FAM107B: variants seen among roughly 807,000 people sequenced by gnomAD.
The protein encoded by FAM107B is family with sequence similarity 107 member B, also known as protein FAM107B.
A neutral mutation model predicts 31.5 loss-of-function variants in FAM107B; 21 were observed. That is an observed-to-expected ratio of 0.67 (90% CI 0.47 to 0.96). The LOEUF (loss-of-function observed/expected upper bound fraction) is 0.96, where lower values mean the gene tolerates loss of function less well. Among genes scored for constraint, FAM107B ranks in the 40% least tolerant of loss-of-function variants. The pLI is 0.00. For missense variants in FAM107B, 452 were observed against 377.1 expected (o/e 1.20, Z -1.64); for synonymous variants, 157 against 141.5 (o/e 1.11, Z -0.78).
chr10:14,694,257 T>TGGTA (rs1335063926), intron 1 of FAM107B, among the ~76,000 whole-genome samples: 27 of 152,342 alleles, frequency 1.8e-4, no homozygotes, highest in African/African-American at 6.3e-4. Context: ...CTAGGGCATA[T>TGGTA]GGTAGTTCTA....
chr10:14,587,999 A>T (rs76215271), intron 2 of FAM107B, among the ~76,000 whole-genome samples: 2,901 of 152,324 alleles, frequency 0.019, 94 homozygotes, highest in African/African-American at 0.065. Context: ...ATGTATATTT[A>T]AAAAAGACTA....
chr10:14,554,644 T>C (rs890103095), intron 2 of FAM107B, among the ~76,000 whole-genome samples: 2 of 152,174 alleles, frequency 1.3e-5, no homozygotes, highest in Non-Finnish European at 2.9e-5. Context: ...CAATGGAGTG[T>C]AGCGTTGCAT....
chr10:14,710,825 GTGT>G (rs1309573724), intron 1 of FAM107B, among the ~76,000 whole-genome samples: 1 of 152,184 alleles, frequency 6.6e-6, no homozygotes, highest in Admixed American at 6.5e-5. Context: ...TTTAAGCTAA[GTGT>G]TGTTATAAAA....
chr10:14,571,918 C>G (rs780841357), intron 2 of FAM107B: 3 of 985,442 alleles, frequency 3.0e-6, no homozygotes, highest in Non-Finnish European at 3.6e-6. Flanking sequence ...ACTGACCTAA[C>G]CTCACCTCAG....
At position 14,643,470 on chromosome 10, in the gene FAM107B, T is replaced by C. The variant is rs545498902; in HGVS notation, c.469+24164A>G. Among the ~76,000 whole-genome samples the C allele has an allele frequency of 2.0e-5, 3 of 151,106 alleles. No individual in the cohort carries two copies. In the South Asian group the frequency reaches 6.3e-4, roughly 32 times the overall value. ...TGTCACCCAGGCTGGAGTGCAGTAA[T>C]GTGATCTCGGTTCACTGCAGTCTCC... On this transcript the variant is annotated intron_variant, in intron 2 of 4. Coordinates refer to ENST00000181796, the MANE Select transcript of FAM107B (RefSeq NM_031453.4).
chr10:14,603,121 T>A (rs71485522), intron 2 of FAM107B, among the ~76,000 whole-genome samples: 1 of 151,982 alleles, frequency 6.6e-6, no homozygotes, highest in Non-Finnish European at 1.5e-5. Context: ...GTGGTTTTTT[T>A]CTATATATTT....
chr10:14,572,051 A>G (rs764541790), intron 2 of FAM107B: 503 of 985,454 alleles, frequency 5.1e-4, no homozygotes, highest in Non-Finnish European at 5.8e-4. Context: ...AGAATTAACC[A>G]TCCCCACAAA....
intron 2 of FAM107B, among the ~76,000 whole-genome samples, chr10:14,580,297 T>C (rs1851594168): frequency 6.6e-6 from 1 of 151,942 alleles, no homozygotes; most frequent in Admixed American, 6.6e-5. Context: ...GAGGTGGAGC[T>C]TGCAGTGAGC....
At chr10:14,739,877 C>T (rs1253262442) in intron 1 of FAM107B, among the ~76,000 whole-genome samples, 1 of 152,144 alleles carries the variant, frequency 6.6e-6, no homozygotes, top group Admixed American at 6.5e-5. Flanking sequence ...AGACAGAGTC[C>T]TGATGGCACT....
chr10:14,552,445 T>C (rs1359611707), intron 2 of FAM107B, among the ~76,000 whole-genome samples: 1 of 148,452 alleles, frequency 6.7e-6, no homozygotes, highest in Non-Finnish European at 1.5e-5. Context: ...TATACAGTGA[T>C]CCACTACCCA....
intron 2 of FAM107B, chr10:14,652,603 T>TG (rs1853929840): frequency 6.6e-6 from 1 of 152,180 alleles, no homozygotes; most frequent in Admixed American, 6.5e-5. Flanking sequence ...AAAAAATCCA[T>TG]GTAAAGCACT....
intron 1 of FAM107B, among the ~76,000 whole-genome samples, chr10:14,731,399 T>C (rs1856170306): frequency 6.6e-6 from 1 of 151,948 alleles, no homozygotes. Context: ...CCATCTCTAC[T>C]AAAAATACAA....
At chr10:14,614,559 G>T (rs1199691210) in intron 2 of FAM107B, among the ~76,000 whole-genome samples, 1 of 151,504 alleles carries the variant, frequency 6.6e-6, no homozygotes, top group African/African-American at 2.4e-5. Flanking sequence ...TGTAATCCCA[G>T]CTACTCGGGA....
chr10:14,535,356 T>C (rs1423906111), intron 2 of FAM107B, among the ~76,000 whole-genome samples: 2 of 152,198 alleles, frequency 1.3e-5, no homozygotes, highest in South Asian at 4.1e-4. Flanking sequence ...CTCTAATCCC[T>C]GGCACAAACA....
intron 1 of FAM107B, among the ~76,000 whole-genome samples, chr10:14,750,231 T>C (rs1832800479): frequency 6.6e-6 from 1 of 152,230 alleles, no homozygotes; most frequent in Non-Finnish European, 1.5e-5. Context: ...AAGCCAAGAC[T>C]TGGGGCATGG....
chr10:14,634,268 C>T (rs917454376), intron 2 of FAM107B, among the ~76,000 whole-genome samples: 13 of 151,724 alleles, frequency 8.6e-5, no homozygotes, highest in African/African-American at 2.9e-4. Context: ...GGCGTGGTGG[C>T]GGGTGCCTAT....
At chr10:14,529,634 T>C (rs1283623164) in intron 3 of FAM107B, 1 of 152,102 alleles carries the variant, frequency 6.6e-6, no homozygotes, top group Non-Finnish European at 1.5e-5. Context: ...TGAAGCTTCC[T>C]AGTTCTTAAA....
chr10:14,598,177 C>T (rs573705272), intron 2 of FAM107B, among the ~76,000 whole-genome samples: 8 of 152,186 alleles, frequency 5.3e-5, no homozygotes, highest in Middle Eastern at 3.4e-3. Flanking sequence ...CTTTTTAGTT[C>T]GATGCAATCT....
rs1267679504 is a variant in FAM107B at position 14,518,918 on chromosome 10, G to C, written c.*2272C>G. The C allele has an allele frequency of 6.6e-6, 1 of 152,624 alleles. No individual in the cohort carries two copies. Among genetic ancestry groups the C allele is most frequent in the African/African-American group, 2.4e-5 (1 of 41,444 alleles). The allele number at this position is 152,624 out of a possible 1,614,324, so 9.5% of individuals were successfully genotyped here. The stretch of plus-strand genomic sequence containing the variant: ...CTGCTCAGATGTTCAAGAGTCCTAG[G>C]AGTTTGGGCTGCACAGTATTAAGGG... On this transcript the variant is annotated 3_prime_UTR_variant, in exon 5 of 5. Transcript: ENST00000181796.
Sources: allele counts gnomAD v4.1 joint callset (sites outside exome capture counted in the v4.1 genomes callset), GRCh38; gene constraint gnomAD v4.1.1; transcripts MANE v1.5; gene names NCBI Gene and HGNC (gene_info 2026-07-23, HGNC 2026-07-21).